The following SPIDR variants were observed in gnomAD, a reference collection of about 807,000 sequenced individuals.
SPIDR encodes DNA repair-scaffolding protein.
Under a neutral mutation model 104.6 loss-of-function variants are expected in SPIDR, and 93 were observed. That is an observed-to-expected ratio of 0.89 (90% CI 0.75 to 1.06). SPIDR has a LOEUF of 1.06. Ranked by LOEUF, SPIDR falls within the 50% of genes least tolerant of loss-of-function variation. The pLI is 0.00. For synonymous variants in SPIDR, 431 were observed against 416.9 expected, an observed-to-expected ratio of 1.03 and a Z score of -0.41; for missense variants, 1,154 against 1,111.2, an observed-to-expected ratio of 1.04 and a Z score of -0.55.
intron 5 of SPIDR, among the ~76,000 whole-genome samples, chr8:47,334,681 A>G (rs1421449976): frequency 1.3e-5 from 2 of 152,212 alleles, no homozygotes; most frequent in African/African-American, 4.8e-5. Flanking sequence ...TGTAGACAAC[A>G]TGCAGTTGGC....
At chr8:47,589,017 AGTTT>A (rs1337194675) in intron 8 of SPIDR, among the ~76,000 whole-genome samples, 1 of 120,376 alleles carries the variant, frequency 8.3e-6, no homozygotes, top group Admixed American at 7.8e-5. Context: ...ATTGGTTTAT[AGTTT>A]GTTTTTTTTT....
intron 1 of SPIDR, among the ~76,000 whole-genome samples, chr8:47,263,875 A>G (rs1554544675): frequency 6.6e-6 from 1 of 152,196 alleles, no homozygotes; most frequent in African/African-American, 2.4e-5. Flanking sequence ...CATGTCTTAC[A>G]TTAGGTTTAT....
At position 47,440,202 on chromosome 8, in the gene SPIDR, CA is replaced by C; in HGVS notation, c.878-120del. ...GTTTTACTTTGCAAAATGTGGAGAC[CA>C]TTTTCTCCAGGTGAAGAGTGCTATC... On this transcript the variant is annotated intron_variant, in intron 7 of 19. Coordinates refer to ENST00000297423, the MANE Select transcript of SPIDR (RefSeq NM_001080394.4). 3.8e-6 allele frequency: 3 copies of C among 798,522 alleles called. No individual in the cohort carries two copies. In the South Asian group the frequency reaches 5.4e-5, roughly 14 times the overall value. The allele number at this position is 798,522 out of a possible 1,614,324, so 49.5% of individuals were successfully genotyped here. A position where few individuals can be genotyped will look rare whatever the true frequency, so the allele number is the denominator to read the frequency against.
intron 8 of SPIDR, among the ~76,000 whole-genome samples, chr8:47,446,787 A>G (rs2070716414): frequency 6.6e-6 from 1 of 152,046 alleles, no homozygotes; most frequent in Non-Finnish European, 1.5e-5. Context: ...GGGTTTCACC[A>G]TATTGGTCAG....
At chr8:47,317,889 G>A (rs1288887019) in intron 5 of SPIDR, among the ~76,000 whole-genome samples, 1 of 152,154 alleles carries the variant, frequency 6.6e-6, no homozygotes, top group Non-Finnish European at 1.5e-5. Flanking sequence ...TGAGGGTCCT[G>A]ACTGTTAGAA....
intron 8 of SPIDR, among the ~76,000 whole-genome samples, chr8:47,521,687 G>A (rs998511426): frequency 1.3e-5 from 2 of 151,538 alleles, no homozygotes; most frequent in African/African-American, 4.8e-5. Flanking sequence ...CTCCCAAAGT[G>A]CTGGGATTAC....
At chr8:47,425,752 A>G (rs2066305747) in intron 7 of SPIDR, among the ~76,000 whole-genome samples, 1 of 152,230 alleles carries the variant, frequency 6.6e-6, no homozygotes, top group African/African-American at 2.4e-5. Flanking sequence ...ATATTCACAC[A>G]GTAAAAAGTG....
At chr8:47,416,561 G>A (rs533381444) in intron 7 of SPIDR, among the ~76,000 whole-genome samples, 4 of 152,180 alleles carry the variant, frequency 2.6e-5, no homozygotes, top group African/African-American at 9.6e-5. Flanking sequence ...ATTGTCAGGT[G>A]TTATGGTAAG....
intron 16 of SPIDR, among the ~76,000 whole-genome samples, chr8:47,719,049 G>A (rs1328020265): frequency 6.6e-6 from 1 of 152,136 alleles, no homozygotes; most frequent in African/African-American, 2.4e-5. Flanking sequence ...TACTGGGGGA[G>A]GTGGCCTGCA....
At chr8:47,524,791 A>T (rs1229557729) in intron 8 of SPIDR, among the ~76,000 whole-genome samples, 1 of 152,234 alleles carries the variant, frequency 6.6e-6, no homozygotes, top group African/African-American at 2.4e-5. Flanking sequence ...AATTATTAAT[A>T]AATTCTAAAA....
At chr8:47,448,674 A>ATGTG (rs138014975) in intron 8 of SPIDR, among the ~76,000 whole-genome samples, 1 of 151,532 alleles carries the variant, frequency 6.6e-6, no homozygotes, top group Non-Finnish European at 1.5e-5. Flanking sequence ...ACCTGTGTTT[A>ATGTG]TGTGTGTGTG....
chr8:47,621,149 G>T (rs536675589), intron 10 of SPIDR, among the ~76,000 whole-genome samples: 2 of 151,638 alleles, frequency 1.3e-5, no homozygotes, highest in East Asian at 3.9e-4. Context: ...TAGAGACGGG[G>T]TTTCACCATG....
intron 5 of SPIDR, among the ~76,000 whole-genome samples, chr8:47,349,995 A>G (rs1029439656): frequency 6.6e-6 from 1 of 152,146 alleles, no homozygotes; most frequent in Non-Finnish European, 1.5e-5. Context: ...AGCCAGTCCC[A>G]GTGAGATGAA....
At chr8:47,510,383 G>A (rs1025441388) in intron 8 of SPIDR, among the ~76,000 whole-genome samples, 1 of 152,302 alleles carries the variant, frequency 6.6e-6, no homozygotes, top group Admixed American at 6.5e-5. Context: ...AATGTCAAAA[G>A]AAATTGCATA....
At chr8:47,495,841 G>A (rs2079366804) in intron 8 of SPIDR, among the ~76,000 whole-genome samples, 1 of 152,058 alleles carries the variant, frequency 6.6e-6, no homozygotes, top group Non-Finnish European at 1.5e-5. Context: ...TCAATTCACT[G>A]TAAGTTCAAG....
At chr8:47,469,686 C>T (rs2075399740) in intron 8 of SPIDR, among the ~76,000 whole-genome samples, 1 of 152,084 alleles carries the variant, frequency 6.6e-6, no homozygotes, top group African/African-American at 2.4e-5. Flanking sequence ...CACATTGACA[C>T]ACAGAGAGGA....
chr8:47,400,673 CTTTCT>C (rs1443734079), intron 6 of SPIDR, among the ~76,000 whole-genome samples: 3 of 125,748 alleles, frequency 2.4e-5, no homozygotes, highest in East Asian at 5.9e-4. Flanking sequence ...CTTTTTCTTT[CTTTCT>C]TTTTTTTTTT....
At chr8:47,488,033 CAA>C (rs543527119) in intron 8 of SPIDR, among the ~76,000 whole-genome samples, 4,385 of 152,070 alleles carry the variant, frequency 0.029, 86 homozygotes, top group South Asian at 0.046. Context: ...GACAGAGACA[CAA>C]AAAACCCTTC....
intron 5 of SPIDR, among the ~76,000 whole-genome samples, chr8:47,353,663 A>G (rs150207609): frequency 2.6e-5 from 4 of 152,126 alleles, no homozygotes; most frequent in African/African-American, 9.6e-5. Context: ...ATATTTTAGT[A>G]TCTTTTATCA....
Sources: allele counts gnomAD v4.1 joint callset (sites outside exome capture counted in the v4.1 genomes callset), GRCh38; gene constraint gnomAD v4.1.1; transcripts MANE v1.5; gene names NCBI Gene and HGNC (gene_info 2026-07-23, HGNC 2026-07-21).